Variants in ANGPT4 observed in about 807,000 individuals in gnomAD.
ANGPT4 encodes angiopoietin 4.
In ANGPT4, 50 loss-of-function variants were observed where a neutral mutation model predicts 53.0. The ratio of observed to expected loss-of-function variants is 0.94; its 90% confidence interval spans 0.75 to 1.20. The LOEUF is 1.20. Ranked by LOEUF, ANGPT4 falls within the 50% of genes most tolerant of loss-of-function variation. The pLI is 0.00. For synonymous variants in ANGPT4, 251 were observed against 259.7 expected (o/e 0.97, Z 0.32); for missense variants, 648 against 637.1 (o/e 1.02, Z -0.18).
rs964708522 is a variant in ANGPT4, at chr20:915,000, C to A, written c.309+906G>T. 2.0e-5 allele frequency among the ~76,000 whole-genome samples: 3 copies of A among 152,202 alleles called. No individual in the cohort carries two copies. Among genetic ancestry groups the A allele is most frequent in the Admixed American group, 1.3e-4 (2 of 15,278 alleles). On this transcript the variant is annotated intron_variant, in intron 1 of 8. Coordinates refer to ENST00000381922, the MANE Select transcript of ANGPT4 (RefSeq NM_015985.4). This position sits in a 1 kb window ranked among gnomAD's most constrained non-coding sequence, Gnocchi z 5.0. ...GAGCTGATGGGCTCTACCTCCAGAACCCACCAGAATCTTACTGGCCACACC... is the reference window on the plus strand; with the variant it reads ...GAGCTGATGGGCTCTACCTCCAGAAACCACCAGAATCTTACTGGCCACACC...
rs553579362 is a variant in ANGPT4 at position 876,058 on chromosome 20, G to T, written c.1221-1644C>A. Among the ~76,000 whole-genome samples the T allele has an allele frequency of 2.4e-4, 36 of 151,508 alleles. No individual in the cohort carries two copies. In the South Asian group the frequency reaches 7.5e-3, roughly 32 times the overall value. On this transcript the variant is annotated intron_variant, in intron 7 of 8. Coordinates refer to ENST00000381922, the MANE Select transcript of ANGPT4 (RefSeq NM_015985.4). Reference sequence around the variant, plus strand: ...GGTGGGAAGGTCACTGGTCACTGGAGCCTGGGAGGTCTGGGAGGTCAGGGC... The same window carrying T: ...GGTGGGAAGGTCACTGGTCACTGGATCCTGGGAGGTCTGGGAGGTCAGGGC...
Position 916,139 on chromosome 20 carries a change from T to C in ANGPT4, c.76A>G (p.Arg26Gly). 1.2e-6 allele frequency: 2 copies of C among 1,614,158 alleles called. No homozygotes were observed. Among genetic ancestry groups the C allele is most frequent in the Non-Finnish European group, 1.7e-6 (2 of 1,179,996 alleles). ...VATMSVAQQT[R>G]QEADRGCETL... ...TCGCAGCCCCTATCCGCCTCCTGCC[T>C]TGTCTGTTGAGCCACAGACATGGTG... The change falls in exon 1 of 9, where the codon AGG becomes GGG. Residue 26 changes from arginine to glycine, a missense_variant. By Grantham distance (125) the Arg-to-Gly change is moderately radical. Transcript: ENST00000381922.
At chr20:913,012 TG>T (rs1982765543) in intron 1 of ANGPT4, among the ~76,000 whole-genome samples, 1 of 151,792 alleles carries the variant, frequency 6.6e-6, no homozygotes, top group Non-Finnish European at 1.5e-5. Flanking sequence ...GGAGGGGAGT[TG>T]GGGGCACAGG....
intron 4 of ANGPT4, among the ~76,000 whole-genome samples, chr20:883,850 CA>C (rs1356674523): frequency 2.0e-5 from 3 of 152,334 alleles, no homozygotes; most frequent in Non-Finnish European, 4.4e-5. Flanking sequence ...GTGCATACGC[CA>C]GTAATAGGTT....
At chr20:898,268 C>T (rs1174919320) in intron 1 of ANGPT4, among the ~76,000 whole-genome samples, 1 of 152,186 alleles carries the variant, frequency 6.6e-6, no homozygotes, top group Non-Finnish European at 1.5e-5. Context: ...TCTATCACCT[C>T]CCCTGCTCAC....
rs779598090 is a variant in ANGPT4, at chr20:881,267, C to T, written c.855G>A (p.Glu285=). ...TCTCTGCACAGTCCTGGAACACCTG[C>T]TCACCTGCCATTATGAAGGCTGCAA... ...ASAPAFIMAG[E]QVFQDCAEIQ... The change falls in exon 5 of 9, where the codon GAG becomes GAA. Residue 285 remains glutamate (E), a synonymous_variant. Coordinates refer to ENST00000381922, the MANE Select transcript of ANGPT4 (RefSeq NM_015985.4). 3 of 1,614,064 alleles carry T rather than the reference C, an allele frequency of 1.9e-6. No homozygotes were observed. Among genetic ancestry groups the T allele is most frequent in the East Asian group, 2.2e-5 (1 of 44,896 alleles).
rs1041695439 is a variant in ANGPT4 at position 908,610 on chromosome 20, G to A, written c.309+7296C>T. On this transcript the variant is annotated intron_variant, in intron 1 of 8. Transcript: ENST00000381922. This position sits in a 1 kb window ranked among gnomAD's most constrained non-coding sequence, Gnocchi z 4.9. ...CACTGCTCCAGGGGCAAGGGGGAAGGATGGTCTTCCTTGCTCACTACTAAA... is the reference window on the plus strand; with the variant it reads ...CACTGCTCCAGGGGCAAGGGGGAAGAATGGTCTTCCTTGCTCACTACTAAA... Among the ~76,000 whole-genome samples the A allele has an allele frequency of 7.9e-5, 12 of 152,208 alleles. No homozygotes were observed. The highest frequency in any genetic ancestry group is 2.9e-4 in the African/African-American group (12 of 41,460).
chr20:903,775 T>C (rs1982374362), intron 1 of ANGPT4, among the ~76,000 whole-genome samples: 1 of 152,000 alleles, frequency 6.6e-6, no homozygotes, highest in Non-Finnish European at 1.5e-5. Context: ...GTGCAGGGTG[T>C]GGAGATTTGA....
intron 2 of ANGPT4, among the ~76,000 whole-genome samples, chr20:889,239 G>A (rs1358890603): frequency 2.8e-5 from 4 of 143,844 alleles, no homozygotes; most frequent in Admixed American, 7.5e-5. Flanking sequence ...TCTCCTTAGC[G>A]CTGTCACTGG....
At chr20:883,086 T>A (rs1201562657) in intron 4 of ANGPT4, among the ~76,000 whole-genome samples, 2 of 152,236 alleles carry the variant, frequency 1.3e-5, no homozygotes, top group Admixed American at 1.3e-4. Flanking sequence ...AAGAACTCTA[T>A]GAGATTATTA....
chr20:912,157 A>G (rs1404759614), intron 1 of ANGPT4, among the ~76,000 whole-genome samples: 1 of 152,122 alleles, frequency 6.6e-6, no homozygotes, highest in Non-Finnish European at 1.5e-5. Context: ...TGGGGCCATG[A>G]AGAGAAGGCA....
At position 888,350 on chromosome 20, in the gene ANGPT4, C is replaced by A; in HGVS notation, c.555G>T (p.Arg185Ser). Reference sequence around the variant, plus strand: ...GGCCCTGAAGCTGCTGGAGCTTCTGCCTCTGTAGCAGCAGCTGGTTCTCCA... The same window carrying A: ...GGCCCTGAAGCTGCTGGAGCTTCTGACTCTGTAGCAGCAGCTGGTTCTCCA... ...NKLENQLLLQRQKLQQLQGQN... is the reference protein window; with the variant it reads ...NKLENQLLLQSQKLQQLQGQN... The change falls in exon 3 of 9, where the codon AGG (arginine) becomes AGT (serine). Residue 185 changes from arginine (R) to serine (S), a missense_variant. Physicochemically the swap from Arg to Ser is moderately radical, Grantham distance 110. Transcript: ENST00000381922. 2 of 1,613,858 alleles carry A rather than the reference C, an allele frequency of 1.2e-6. No homozygotes were observed. Among genetic ancestry groups the A allele is most frequent in the South Asian group, 2.2e-5 (2 of 91,076 alleles).
rs543798255 is a variant in ANGPT4 at position 914,967 on chromosome 20, C to T, written c.309+939G>A. On this transcript the variant is annotated intron_variant, in intron 1 of 8. Coordinates refer to ENST00000381922, the MANE Select transcript of ANGPT4 (RefSeq NM_015985.4). This position sits in a 1 kb window ranked among gnomAD's most constrained non-coding sequence, Gnocchi z 5.0. Reference sequence around the variant, plus strand: ...GCTTCCTCCCACTCCGCATCCAATTCACCAGCAGAGCTGATGGGCTCTACC... The same window carrying T: ...GCTTCCTCCCACTCCGCATCCAATTTACCAGCAGAGCTGATGGGCTCTACC... Among the ~76,000 whole-genome samples the T allele has an allele frequency of 2.0e-5, 3 of 152,312 alleles. No individual in the cohort carries two copies. The highest frequency in any genetic ancestry group is 7.2e-5 in the African/African-American group (3 of 41,560).
chr20:911,488 G>T lies in ANGPT4; in HGVS notation c.309+4418C>A, dbSNP rs923228784. On this transcript the variant is annotated intron_variant, in intron 1 of 8. Transcript: ENST00000381922. The surrounding 1 kb of genome is among the most constrained non-coding windows in gnomAD (Gnocchi z 4.9). The stretch of plus-strand genomic sequence containing the variant: ...GGTAGAGGTGGGAGGGATGGCCTTG[G>T]GGTGAGAAAAGGAGGAGCTGAGAAA... Among the ~76,000 whole-genome samples, 1 of 152,150 alleles carries T rather than the reference G, an allele frequency of 6.6e-6. No homozygotes were observed. The highest frequency in any genetic ancestry group is 2.4e-5 in the African/African-American group (1 of 41,430).
Position 888,344 on chromosome 20 carries a change from C to A in ANGPT4, c.561G>T (p.Lys187Asn). The A allele has an allele frequency of 6.2e-7, 1 of 1,613,868 alleles. No homozygotes were observed. The highest frequency in any genetic ancestry group is 8.5e-7 in the Non-Finnish European group (1 of 1,179,968). ...LENQLLLQRQ[K>N]LQQLQGQNSA... ...TGTTTTGGCCCTGAAGCTGCTGGAG[C>A]TTCTGCCTCTGTAGCAGCAGCTGGT... Residue 187 changes from lysine to asparagine, a missense_variant, in exon 3 of 9, where the codon AAG (lysine) becomes AAT (asparagine). By Grantham distance (94) the Lys-to-Asn change is moderately conservative. Transcript: ENST00000381922.
At chr20:874,079 A>T (rs780314252) in intron 8 of ANGPT4, among the ~76,000 whole-genome samples, 6 of 152,166 alleles carry the variant, frequency 3.9e-5, no homozygotes, top group Non-Finnish European at 8.8e-5. Flanking sequence ...CTTTAGGAGG[A>T]GGTGAGACCT....
At position 870,063 on chromosome 20, in the gene ANGPT4, A is replaced by G. The variant is rs1415572621; in HGVS notation, c.*2897T>C. On this transcript the variant is annotated 3_prime_UTR_variant, in exon 9 of 9. Transcript: ENST00000381922. The stretch of plus-strand genomic sequence containing the variant: ...CAACGGGGCAGATGGAGGGGCTGAG[A>G]GGTGGAGCTGACATCATTTGAGCCT... 1 of 152,280 alleles carries G rather than the reference A, an allele frequency of 6.6e-6. No individual in the cohort carries two copies. The highest frequency in any genetic ancestry group is 1.5e-5 in the Non-Finnish European group (1 of 68,122). The allele number at this position is 152,280 out of a possible 1,614,324, so 9.4% of individuals were successfully genotyped here.
intron 2 of ANGPT4, among the ~76,000 whole-genome samples, chr20:889,002 C>G (rs1365542001): frequency 1.3e-5 from 2 of 152,220 alleles, no homozygotes; most frequent in East Asian, 3.8e-4. Context: ...CCTGGTCACT[C>G]CAGCATAGTG....
At chr20:876,234 C>T (rs1284895189) in intron 7 of ANGPT4, among the ~76,000 whole-genome samples, 1 of 151,842 alleles carries the variant, frequency 6.6e-6, no homozygotes, top group African/African-American at 2.4e-5. Flanking sequence ...AGCTCTTGTA[C>T]CCTCAGGGCA....
Sources: allele counts gnomAD v4.1 joint callset (sites outside exome capture counted in the v4.1 genomes callset), GRCh38; gene constraint gnomAD v4.1.1; non-coding constraint Gnocchi (gnomAD v3.1); transcripts MANE v1.5; gene names NCBI Gene and HGNC (gene_info 2026-07-23, HGNC 2026-07-21).